Variants in ZNF778 observed in about 807,000 individuals in gnomAD.
ZNF778 encodes the protein zinc finger protein 778.
A neutral mutation model predicts 23.9 loss-of-function variants in ZNF778; 37 were observed. That is an observed-to-expected ratio of 1.54 (90% CI 1.19 to 2.03). The LOEUF is 2.03. Among genes scored for constraint, ZNF778 ranks in the 30% most tolerant of loss-of-function variants. The pLI is 0.00. For missense variants in ZNF778, 1,297 were observed against 934.4 expected (o/e 1.39, Z -5.06); for synonymous variants, 483 against 343.9 (o/e 1.40, Z -4.48).
chr16:89,227,620 G>A lies in ZNF778; in HGVS notation c.1332G>A (p.Thr444=), dbSNP rs554335152. 9.2e-5 allele frequency: 149 copies of A among 1,613,902 alleles called. No homozygotes were observed. Among genetic ancestry groups the A allele is most frequent in the East Asian group, 2.7e-4 (12 of 44,870 alleles). The part of the protein sequence containing the change: ...CGLTRHVRTH[T]GEKPYTCKDC... ...TTACTAGACACGTACGAACACACAC[G>A]GGCGAGAAGCCATACACGTGTAAGG... Residue 444 remains threonine, a synonymous_variant, in exon 7 of 7, where the codon ACG becomes ACA. Coordinates refer to ENST00000433976, the MANE Select transcript of ZNF778 (RefSeq NM_001201407.2).
chr16:89,228,666 A>G lies in ZNF778; in HGVS notation c.*104A>G, dbSNP rs531492748. On this transcript the variant is annotated 3_prime_UTR_variant, in exon 7 of 7. Transcript: ENST00000433976. Reference sequence around the variant, plus strand: ...ATGACTTGAGGAATGTGGCTAGGCAATCAGCATCTCATCACAACCCGGCAG... The same window carrying G: ...ATGACTTGAGGAATGTGGCTAGGCAGTCAGCATCTCATCACAACCCGGCAG... 5.7e-5 allele frequency: 86 copies of G among 1,503,040 alleles called. No individual in the cohort carries two copies. The highest frequency in any genetic ancestry group is 2.1e-4 in the African/African-American group (15 of 71,510). The allele number at this position is 1,503,040 out of a possible 1,614,324, so 93.1% of individuals were successfully genotyped here.
intron 1 of ZNF778, among the ~76,000 whole-genome samples, chr16:89,219,806 C>T (rs1368162074): frequency 1.3e-5 from 2 of 152,024 alleles, no homozygotes; most frequent in Non-Finnish European, 1.5e-5. Context: ...ATATACGTTG[C>T]CCCTAAAATT....
At chr16:89,219,005 G>C (rs2151627052) in intron 1 of ZNF778, among the ~76,000 whole-genome samples, 1 of 152,158 alleles carries the variant, frequency 6.6e-6, no homozygotes, top group Admixed American at 6.5e-5. Context: ...TAGTCGGGAG[G>C]CTGAGGCAGG....
Position 89,227,749 on chromosome 16 carries a change from T to C in ZNF778, c.1461T>C (p.Thr487=). The change falls in exon 7 of 7, where the codon ACT becomes ACC. Residue 487 remains threonine, a synonymous_variant. Coordinates refer to ENST00000433976, the MANE Select transcript of ZNF778 (RefSeq NM_001201407.2). ...YECKDCGKSF[T]VSSSLTEHAR... ...GTAAAGATTGTGGGAAATCCTTCAC[T>C]GTTTCTTCAAGCCTGACTGAGCACG... The C allele has an allele frequency of 1.2e-6, 2 of 1,612,870 alleles. No individual in the cohort carries two copies. The highest frequency in any genetic ancestry group is 1.7e-6 in the Non-Finnish European group (2 of 1,179,130).
intron 2 of ZNF778, among the ~76,000 whole-genome samples, chr16:89,221,507 CTG>C (rs1469946495): frequency 6.6e-6 from 1 of 151,950 alleles, no homozygotes; most frequent in Non-Finnish European, 1.5e-5. Context: ...CACTGTATGG[CTG>C]TGTGTGTGTC....
rs1310955195 is a variant in ZNF778, at chr16:89,223,192, C to T, written c.153C>T (p.Phe51=). 11 of 1,613,854 alleles carry T rather than the reference C, an allele frequency of 6.8e-6. No individual in the cohort carries two copies. The highest frequency in any genetic ancestry group is 1.3e-5 in the African/African-American group (1 of 74,916). ...AVTFDDVAVD[F]TQEEWTLLDP... is the part of the protein sequence containing the mutation. ...CCTTTGACGACGTGGCTGTGGACTT[C>T]ACCCAGGAGGAATGGACTTTACTGG... is the stretch of plus-strand genomic sequence containing the variant. The change falls in exon 4 of 7, where the codon TTC becomes TTT. Residue 51 remains phenylalanine, a synonymous_variant. Transcript: ENST00000433976.
Position 89,235,546 on chromosome 16 carries a change from C to G in ZNF778, c.*6984C>G, listed in dbSNP as rs2032211976. ...GTTTCAATAGAACTTGCCTCCTGAA[C>G]CTGACTAGGTTACTCGCCTGATGAA... On this transcript the variant is annotated 3_prime_UTR_variant, in exon 7 of 7. Coordinates refer to ENST00000433976, the MANE Select transcript of ZNF778 (RefSeq NM_001201407.2). 1 of 152,210 alleles carries G rather than the reference C, an allele frequency of 6.6e-6. No homozygotes were observed. Among genetic ancestry groups the G allele is most frequent in the South Asian group, 2.1e-4 (1 of 4,828 alleles). The allele number at this position is 152,210 out of a possible 1,614,324, so 9.4% of individuals were successfully genotyped here. A position where few individuals can be genotyped will look rare whatever the true frequency, so the allele number is the denominator to read the frequency against.
chr16:89,230,243 G>A lies in ZNF778; in HGVS notation c.*1681G>A. 1 of 225,724 alleles carries A rather than the reference G, an allele frequency of 4.4e-6. No homozygotes were observed. The highest frequency in any genetic ancestry group is 7.4e-6 in the Non-Finnish European group (1 of 135,630). 14.0% of individuals were successfully genotyped at this position (225,724 alleles called of 1,614,324 possible). On this transcript the variant is annotated 3_prime_UTR_variant, in exon 7 of 7. Transcript: ENST00000433976. Reference sequence around the variant, plus strand: ...GGCAGAGTGGAGAGGGGCGAGGTCTGTACCCTGAGATGCCCCCGTTTCATG... The same window carrying A: ...GGCAGAGTGGAGAGGGGCGAGGTCTATACCCTGAGATGCCCCCGTTTCATG...
chr16:89,228,310 A>T lies in ZNF778; in HGVS notation c.2022A>T (p.Ile674=), dbSNP rs781403280. The T allele has an allele frequency of 1.2e-6, 2 of 1,606,782 alleles. No homozygotes were observed. The highest frequency in any genetic ancestry group is 1.3e-5 in the African/African-American group (1 of 74,758). The change falls in exon 7 of 7, where the codon ATA becomes ATT. Residue 674 remains isoleucine, a synonymous_variant. Transcript: ENST00000433976. ...CTCACACAGGAGAGAAACCTTACATATGTAACGAGTGTGGGAAAGCCTTCC... is the reference window on the plus strand; with the variant it reads ...CTCACACAGGAGAGAAACCTTACATTTGTAACGAGTGTGGGAAAGCCTTCC... ...RRTHTGEKPY[I]CNECGKAFRA...
intron 3 of ZNF778, 137 bp from the exon 4 acceptor site, chr16:89,223,020 T>C (rs2031119002): frequency 3.8e-6 from 4 of 1,053,238 alleles, no homozygotes; most frequent in East Asian, 2.8e-5. Context: ...CAGAGAAGGG[T>C]TCCTGGGACC....
Position 89,220,861 on chromosome 16 carries a change from G to T in ZNF778, c.-131-136G>T. 1.3e-5 allele frequency: 6 copies of T among 465,258 alleles called. No individual in the cohort carries two copies. The South Asian group carries it at 1.4e-4, about 10-fold the overall frequency. 28.8% of individuals were successfully genotyped at this position (465,258 alleles called of 1,614,324 possible). On this transcript the variant is annotated intron_variant, in intron 1 of 6. Transcript: ENST00000433976. ...CTTTTGACCCATATACTGCTCTTCA[G>T]TAGGTGACGTGGATATTACTAGTCC... is the stretch of plus-strand genomic sequence containing the variant.
intron 4 of ZNF778, among the ~76,000 whole-genome samples, chr16:89,223,620 C>T (rs1269685984): frequency 6.6e-6 from 1 of 152,184 alleles, no homozygotes; most frequent in African/African-American, 2.4e-5. Flanking sequence ...GTAGTAGTTT[C>T]CCAAGTGAAT....
Position 89,225,607 on chromosome 16 carries a change from C to T in ZNF778, c.381C>T (p.Phe127=), listed in dbSNP as rs2031407868. Residue 127 remains phenylalanine (F), a synonymous_variant, in exon 6 of 7, where the codon TTC becomes TTT. Transcript: ENST00000433976. ...CACTTCGGCAGGATAGATCTTGGTT[C>T]AGAGCATCAAATGAGACACAGACGG... ...GPALRQDRSW[F]RASNETQTAR... is the part of the protein sequence containing the mutation. The T allele has an allele frequency of 6.2e-7, 1 of 1,612,188 alleles. No individual in the cohort carries two copies. The highest frequency in any genetic ancestry group is 8.5e-7 in the Non-Finnish European group (1 of 1,178,990).
rs1383682000 is a variant in ZNF778, at chr16:89,236,931, T to C, written c.*8369T>C. On this transcript the variant is annotated 3_prime_UTR_variant, in exon 7 of 7. Coordinates refer to ENST00000433976, the MANE Select transcript of ZNF778 (RefSeq NM_001201407.2). The stretch of plus-strand genomic sequence containing the variant: ...TACTAAGAAATACAAAAATTAGCTG[T>C]GTGTGGTTGGGGGCACCTGTAATCT... 6.6e-6 allele frequency: 1 copy of C among 151,786 alleles called. No individual in the cohort carries two copies. The highest frequency in any genetic ancestry group is 2.4e-5 in the African/African-American group (1 of 41,304). The allele number at this position is 151,786 out of a possible 1,614,324, so 9.4% of individuals were successfully genotyped here.
Position 89,227,802 on chromosome 16 carries a change from A to G in ZNF778, c.1514A>G (p.Tyr505Cys). ...HARIHTGEKP[Y>C]ECKQCGKAFT... ...AGAATCCATACCGGAGAGAAACCCT[A>G]CGAATGTAAGCAGTGTGGCAAAGCC... Residue 505 changes from tyrosine (Y) to cysteine (C), a missense_variant, in exon 7 of 7, where the codon TAC (tyrosine) becomes TGC (cysteine). Physicochemically the swap from Tyr to Cys is radical, Grantham distance 194. Coordinates refer to ENST00000433976, the MANE Select transcript of ZNF778 (RefSeq NM_001201407.2). 1.2e-5 allele frequency: 19 copies of G among 1,613,972 alleles called. No homozygotes were observed. The highest frequency in any genetic ancestry group is 1.5e-5 in the Non-Finnish European group (18 of 1,179,878).
At position 89,228,531 on chromosome 16, in the gene ZNF778, C is replaced by G. The variant is rs1223596807; in HGVS notation, c.2243C>G (p.Thr748Ser). 1 of 1,597,112 alleles carries G rather than the reference C, an allele frequency of 6.3e-7. No homozygotes were observed. Among genetic ancestry groups the G allele is most frequent in the African/African-American group, 1.4e-5 (1 of 73,928 alleles). ...FKNSSCLNHHTQIHTDEKPF is the reference protein window; with the variant it reads ...FKNSSCLNHHSQIHTDEKPF ...AATTCCTCATGCCTTAACCATCACA[C>G]TCAAATTCACACTGATGAGAAACCT... Residue 748 changes from threonine to serine, a missense_variant, in exon 7 of 7, where the codon ACT becomes AGT. Coordinates refer to ENST00000433976, the MANE Select transcript of ZNF778 (RefSeq NM_001201407.2).
rs1200799531 is a variant in ZNF778 at position 89,220,988 on chromosome 16, G to A, written c.-131-9G>A. 3.5e-6 allele frequency: 3 copies of A among 852,960 alleles called. No homozygotes were observed. The highest frequency in any genetic ancestry group is 3.4e-5 in the African/African-American group (2 of 59,102). The allele number at this position is 852,960 out of a possible 1,614,324, so 52.8% of individuals were successfully genotyped here. A position where few individuals can be genotyped will look rare whatever the true frequency, so the allele number is the denominator to read the frequency against. On this transcript the variant is annotated splice_polypyrimidine_tract_variant and intron_variant, in intron 1 of 6. Coordinates refer to ENST00000433976, the MANE Select transcript of ZNF778 (RefSeq NM_001201407.2). Reference sequence around the variant, plus strand: ...CTGGGAAGTAATGCTTCTTCATCATGATTGCTAGGAAATAGGGATCCAGCC... The same window carrying A: ...CTGGGAAGTAATGCTTCTTCATCATAATTGCTAGGAAATAGGGATCCAGCC...
rs1046399029 is a variant in ZNF778 at position 89,234,134 on chromosome 16, T to G, written c.*5572T>G. 13 of 461,778 alleles carry G rather than the reference T, an allele frequency of 2.8e-5. No homozygotes were observed. The highest frequency in any genetic ancestry group is 2.7e-4 in the Admixed American group (11 of 40,754). 28.6% of individuals were successfully genotyped at this position (461,778 alleles called of 1,614,324 possible). A position where few individuals can be genotyped will look rare whatever the true frequency, so the allele number is the denominator to read the frequency against. Reference sequence around the variant, plus strand: ...TCTTGACACTGTGAGTGATAAACTTTCCATGTCAGGAACCTGTGTGTGTCA... The same window carrying G: ...TCTTGACACTGTGAGTGATAAACTTGCCATGTCAGGAACCTGTGTGTGTCA... On this transcript the variant is annotated 3_prime_UTR_variant, in exon 7 of 7. Coordinates refer to ENST00000433976, the MANE Select transcript of ZNF778 (RefSeq NM_001201407.2).
rs550232977 is a variant in ZNF778, at chr16:89,218,682, T to A, written c.-132+772T>A. Among the ~76,000 whole-genome samples, 25 of 152,252 alleles carry A rather than the reference T, an allele frequency of 1.6e-4. No individual in the cohort carries two copies. The East Asian group carries it at 4.6e-3, about 28-fold the overall frequency. ...GGCGGGCTCCTGTAGTCCCAGCTAC[T>A]CTGGAGGCTGAGGCAGGAGAATGGC... On this transcript the variant is annotated intron_variant, in intron 1 of 6. Transcript: ENST00000433976.
Sources: gnomAD v4.1 joint callset for allele counts (sites outside exome capture counted in the v4.1 genomes callset) on GRCh38, gnomAD v4.1.1 for gene constraint, MANE v1.5 for transcripts, NCBI Gene and HGNC (gene_info 2026-07-23, HGNC 2026-07-21) for gene names.